The following COL9A1 variants were observed in gnomAD, a reference collection of about 807,000 sequenced individuals.
COL9A1 encodes the protein collagen alpha-1(IX) chain.
A neutral mutation model predicts 142.6 loss-of-function variants in COL9A1; 104 were observed. The ratio of observed to expected loss-of-function variants is 0.73; its 90% CI spans 0.62 to 0.86. The LOEUF (loss-of-function observed/expected upper bound fraction) is 0.86, where lower values mean the gene tolerates loss of function less well. COL9A1 is among the 40% of genes least tolerant of loss of function. The pLI is 0.00. For synonymous variants in COL9A1, 466 were observed against 396.0 expected (o/e 1.18, Z -2.10); for missense variants, 1,210 against 1,176.6 (o/e 1.03, Z -0.42).
intron 28 of COL9A1, among the ~76,000 whole-genome samples, chr6:70,243,264 TTTC>T (rs1205699670): frequency 2.6e-5 from 4 of 152,254 alleles, no homozygotes; most frequent in Non-Finnish European, 5.9e-5. Flanking sequence ...TAAAAATTTT[TTTC>T]TTCTACTCAT....
Position 70,268,860 on chromosome 6 carries a change from A to C in COL9A1, c.1231T>G (p.Cys411Gly), listed in dbSNP as rs768718838. The C allele has an allele frequency of 1.9e-6, 3 of 1,613,846 alleles. No individual in the cohort carries two copies. Among genetic ancestry groups the C allele is most frequent in the South Asian group, 2.2e-5 (2 of 91,042 alleles). ...TIGFHDGDPL[C>G]PNACPPGRSG... ...CGACCTGGTGGACAGGCATTGGGACACTGCCAGGGAGAGAGGGAACAAAGA... is the reference window on the plus strand; with the variant it reads ...CGACCTGGTGGACAGGCATTGGGACCCTGCCAGGGAGAGAGGGAACAAAGA... Residue 411 changes from cysteine to glycine, a missense_variant and splice_region_variant, in exon 17 of 38, where the codon TGT becomes GGT. Transcript: ENST00000357250.
intron 22 of COL9A1, 34 bp downstream of exon 22, chr6:70,255,303 G>T: frequency 6.2e-7 from 1 of 1,612,428 alleles, no homozygotes; most frequent in African/African-American, 1.3e-5. Flanking sequence ...ACACTGAAAA[G>T]CAGGAGGCTT....
rs1171549562 is a variant in COL9A1, at chr6:70,295,281, C to CTTTTTTTTT, written c.300-727_300-719dup. Reference sequence around the variant, plus strand: ...CTCTACTGCAACTCTGTTGTTGCTTCTTTTTTTTTTTTTTTTTTTTTTTTT... The same window carrying CTTTTTTTTT: ...CTCTACTGCAACTCTGTTGTTGCTTCTTTTTTTTTTTTTTTTTTTTTTTTTTTTTTTTTT... On this transcript the variant is annotated intron_variant, in intron 4 of 37. Transcript: ENST00000357250. 3.3e-4 allele frequency among the ~76,000 whole-genome samples: 21 copies of CTTTTTTTTT among 63,128 alleles called. 2 individuals are homozygous for CTTTTTTTTT. Among genetic ancestry groups the CTTTTTTTTT allele is most frequent in the African/African-American group, 1.1e-3 (17 of 15,628 alleles). 41.4% of individuals were successfully genotyped at this position (63,128 alleles called of 152,430 possible).
At chr6:70,230,793 G>C (rs2025996) in intron 36 of COL9A1, among the ~76,000 whole-genome samples, 33,361 of 152,132 alleles carry the variant, frequency 0.22, 3,943 homozygotes, top group Non-Finnish European at 0.27. Context: ...CTCTGAGAAT[G>C]GGATCCAGAT....
At chr6:70,258,494 G>A (rs1771471602) in intron 20 of COL9A1, 1 of 152,192 alleles carries the variant, frequency 6.6e-6, no homozygotes, top group African/African-American at 2.4e-5. Flanking sequence ...AGAGAGCCCT[G>A]AAATTCTTTG....
intron 4 of COL9A1, among the ~76,000 whole-genome samples, chr6:70,298,550 A>T (rs575458033): frequency 6.6e-6 from 1 of 152,308 alleles, no homozygotes; most frequent in Non-Finnish European, 1.5e-5. Context: ...AGGGTAGCAA[A>T]TGTGAGACAT....
Position 70,255,372 on chromosome 6 carries a change from C to T in COL9A1, c.1522G>A (p.Gly508Arg). ...TTGGGACCTGCTTCTCCTGGAGGTC[C>T]TCGCTGTCCTTGATCACCCTGTATG... ...PGAPGDQGQR[G>R]PPGEAGPKGD... The change falls in exon 22 of 38, where the codon GGA (glycine) becomes AGA (arginine). Residue 508 changes from glycine (G) to arginine (R), a missense_variant. By Grantham distance (125) the Gly-to-Arg change is moderately radical (BLOSUM62 -2). Coordinates refer to ENST00000357250, the MANE Select transcript of COL9A1 (RefSeq NM_001851.6). 1 of 1,614,118 alleles carries T rather than the reference C, an allele frequency of 6.2e-7. No individual in the cohort carries two copies. Among genetic ancestry groups the T allele is most frequent in the Non-Finnish European group, 8.5e-7 (1 of 1,179,986 alleles).
intron 5 of COL9A1, 79 bp from the exon 6 acceptor site, chr6:70,283,899 T>C (rs540643713): frequency 1.6e-5 from 16 of 994,460 alleles, no homozygotes; most frequent in Non-Finnish European, 2.5e-5. Context: ...ATGAGTTGCG[T>C]CTAATTGTTA....
At chr6:70,267,327 G>GGTTTTTTTTTTTTTTTTTTTT (rs757813161) in intron 17 of COL9A1, among the ~76,000 whole-genome samples, 2 of 127,028 alleles carry the variant, frequency 1.6e-5, no homozygotes, top group African/African-American at 6.0e-5. Context: ...TGGTTTTTTT[G>GGTTTTTTTTTTTTTTTTTTTT]TTTTTTTTTT....
At chr6:70,285,609 A>T (rs921588645) in intron 5 of COL9A1, among the ~76,000 whole-genome samples, 2 of 152,248 alleles carry the variant, frequency 1.3e-5, no homozygotes, top group African/African-American at 4.8e-5. Context: ...GTGATGTCCC[A>T]ATAGAAGCCA....
Position 70,270,323 on chromosome 6 carries a change from T to C in COL9A1, c.1188A>G (p.Pro396=). 1.2e-6 allele frequency: 2 copies of C among 1,613,736 alleles called. No homozygotes were observed. The highest frequency in any genetic ancestry group is 1.7e-6 in the Non-Finnish European group (2 of 1,179,756). ...GCTGCAAATAACTTACTCTGGGTCCTGGGGGGCCAGGGGGGCCAGGTGGTC... is the reference window on the plus strand; with the variant it reads ...GCTGCAAATAACTTACTCTGGGTCCCGGGGGGCCAGGGGGGCCAGGTGGTC... ...RRGPPGPPGP[P]GPRGTIGFHD... The change falls in exon 15 of 38, where the codon CCA becomes CCG. Residue 396 remains proline (P), a synonymous_variant. Coordinates refer to ENST00000357250, the MANE Select transcript of COL9A1 (RefSeq NM_001851.6).
At chr6:70,281,345 A>T (rs1483430410) in intron 8 of COL9A1, 45 bp downstream of exon 8, 4 of 1,578,304 alleles carry the variant, frequency 2.5e-6, no homozygotes, top group Non-Finnish European at 3.5e-6. Context: ...AGAATAGGAA[A>T]GGGCAGGACT....
intron 33 of COL9A1, among the ~76,000 whole-genome samples, chr6:70,235,271 G>A (rs1769834147): frequency 6.6e-6 from 1 of 152,080 alleles, no homozygotes; most frequent in African/African-American, 2.4e-5. Flanking sequence ...TGGCCAATAT[G>A]GTGAAACCCT....
chr6:70,240,672 GAA>G lies in COL9A1; in HGVS notation c.2079+15_2079+16del. ...ATTGGTAAAGCTTCATCATTAACCAGAAAAAAAAAATCTTACAAGTTCCCCCC... is the reference window on the plus strand; with the variant it reads ...ATTGGTAAAGCTTCATCATTAACCAGAAAAAAAATCTTACAAGTTCCCCCC... On this transcript the variant is annotated intron_variant, in intron 32 of 37. Coordinates refer to ENST00000357250, the MANE Select transcript of COL9A1 (RefSeq NM_001851.6). The G allele has an allele frequency of 6.6e-7, 1 of 1,504,556 alleles. No homozygotes were observed. The highest frequency in any genetic ancestry group is 9.1e-7 in the Non-Finnish European group (1 of 1,095,428). 93.2% of individuals were successfully genotyped at this position (1,504,556 alleles called of 1,614,324 possible).
chr6:70,256,343 C>T (rs1771295091), intron 21 of COL9A1, among the ~76,000 whole-genome samples: 1 of 151,650 alleles, frequency 6.6e-6, no homozygotes, highest in Non-Finnish European at 1.5e-5. Flanking sequence ...TGTCTATTTC[C>T]CTCCCAAAAA....
intron 37 of COL9A1, among the ~76,000 whole-genome samples, chr6:70,225,192 T>C (rs1769146042): frequency 1.3e-5 from 2 of 152,204 alleles, no homozygotes. Context: ...TTGCGCATCA[T>C]TCATGCCCTT....
At chr6:70,294,632 C>A (rs547272994) in intron 4 of COL9A1, 69 bp from the exon 5 acceptor site, 2 of 1,435,484 alleles carry the variant, frequency 1.4e-6, no homozygotes, top group African/African-American at 1.4e-5. Context: ...ACCACATTCC[C>A]TTTTGAGGCC....
At position 70,227,424 on chromosome 6, in the gene COL9A1, T is replaced by TAAAAAAAAAAAAAAAAAAAA. The variant is rs11407353; in HGVS notation, c.2504-1435_2504-1416dup. On this transcript the variant is annotated intron_variant, in intron 36 of 37. Transcript: ENST00000357250. Reference sequence around the variant, plus strand: ...CTCATAACAAAATAAATGCAAATTGTAAAAAAAAAAAAAAAAAAAAAAAAG... The same window carrying TAAAAAAAAAAAAAAAAAAAA: ...CTCATAACAAAATAAATGCAAATTGTAAAAAAAAAAAAAAAAAAAAAAAAAAAAAAAAAAAAAAAAAAAAG... 7.6e-4 allele frequency among the ~76,000 whole-genome samples: 38 copies of TAAAAAAAAAAAAAAAAAAAA among 50,034 alleles called. 4 individuals are homozygous for TAAAAAAAAAAAAAAAAAAAA. The highest frequency in any genetic ancestry group is 4.2e-3 in the African/African-American group (37 of 8,868). 32.8% of individuals were successfully genotyped at this position (50,034 alleles called of 152,430 possible).
chr6:70,283,828 A>C lies in COL9A1; in HGVS notation c.697-8T>G. On this transcript the variant is annotated splice_polypyrimidine_tract_variant and splice_region_variant and intron_variant, in intron 5 of 37. Transcript: ENST00000357250. ...CATCCATTGAAGTTCAAACTGGAGA[A>C]AGGTAGTAGACAGTCAGGTAAGGTT... 6.3e-7 allele frequency: 1 copy of C among 1,597,858 alleles called. No homozygotes were observed. Among genetic ancestry groups the C allele is most frequent in the Non-Finnish European group, 8.5e-7 (1 of 1,170,532 alleles).
Sources: allele counts gnomAD v4.1 joint callset (sites outside exome capture counted in the v4.1 genomes callset), GRCh38; gene constraint gnomAD v4.1.1; transcripts MANE v1.5; gene names NCBI Gene and HGNC (gene_info 2026-07-23, HGNC 2026-07-21).